The following ELAVL2 variants were observed in gnomAD, a reference collection of about 807,000 sequenced individuals.
The protein encoded by ELAVL2 is ELAV-like protein 2.
A neutral mutation model predicts 34.6 loss-of-function variants in ELAVL2; 4 were observed. The observed-to-expected ratio is 0.12, with a 90% CI of 0.06 to 0.26. ELAVL2 has a LOEUF of 0.26. Ranked by LOEUF, ELAVL2 falls within the 10% of genes least tolerant of loss-of-function variation. The pLI is 1.00. For missense variants in ELAVL2, 432 were observed against 442.8 expected, an observed-to-expected ratio of 0.98 and a Z score of 0.22; for synonymous variants, 193 against 154.8, an observed-to-expected ratio of 1.25 and a Z score of -1.83.
rs113658754 is a variant in ELAVL2, at chr9:23,778,343, G to A, written c.-15-16094C>T. On this transcript the variant is annotated intron_variant, in intron 1 of 6. Transcript: ENST00000397312. ...TAGATTTAGCCTGAAAACATGTTACGTGGTTTCTCCAACGTCCTTAAAAAC... is the reference window on the plus strand; with the variant it reads ...TAGATTTAGCCTGAAAACATGTTACATGGTTTCTCCAACGTCCTTAAAAAC... 5.3e-5 allele frequency among the ~76,000 whole-genome samples: 8 copies of A among 152,294 alleles called. No individual in the cohort carries two copies. The South Asian group carries it at 8.3e-4, about 16-fold the overall frequency.
At chr9:23,807,903 T>C (rs2137940970) in intron 1 of ELAVL2, among the ~76,000 whole-genome samples, 1 of 152,326 alleles carries the variant, frequency 6.6e-6, no homozygotes, top group East Asian at 1.9e-4. Context: ...CAGATCTCAC[T>C]GCTGGGCTTT....
the ELAVL2 span, among the ~76,000 whole-genome samples, chr9:23,849,303 A>C: frequency 1.3e-5 from 2 of 152,212 alleles, no homozygotes; most frequent in Non-Finnish European, 2.9e-5. Context: ...AGGGTTAATA[A>C]GCAATTCCTT....
chr9:23,776,686 C>T lies in ELAVL2; in HGVS notation c.-15-14437G>A, dbSNP rs181693028. On this transcript the variant is annotated intron_variant, in intron 1 of 6. Coordinates refer to ENST00000397312, the MANE Select transcript of ELAVL2 (RefSeq NM_004432.5). ...GCACACAAGGAAACCTTTAAGAACC[C>T]GCAGCCAGAAATAATCCCTTCTCTA... Among the ~76,000 whole-genome samples the T allele has an allele frequency of 8.2e-4, 123 of 149,714 alleles. 2 individuals carry two copies. The East Asian group carries it at 0.019, about 23-fold the overall frequency.
intron 1 of ELAVL2, among the ~76,000 whole-genome samples, chr9:23,792,750 T>C (rs1414200159): frequency 1.3e-5 from 2 of 152,120 alleles, no homozygotes; most frequent in Non-Finnish European, 2.9e-5. Context: ...TGCATTATTT[T>C]ATTTACTTCC....
At chr9:23,834,324 A>G in the ELAVL2 span, among the ~76,000 whole-genome samples, 1 of 152,006 alleles carries the variant, frequency 6.6e-6, no homozygotes, top group African/African-American at 2.4e-5. Context: ...AAGGGATATT[A>G]TCCTTCTAGG....
intron 1 of ELAVL2, among the ~76,000 whole-genome samples, chr9:23,804,037 C>A (rs2061899911): frequency 6.6e-6 from 1 of 152,064 alleles, no homozygotes; most frequent in Non-Finnish European, 1.5e-5. Flanking sequence ...TTAAAATGCT[C>A]TGAAAAGCCC....
intron 2 of ELAVL2, among the ~76,000 whole-genome samples, chr9:23,737,954 A>T (rs901409843): frequency 1.3e-5 from 2 of 152,178 alleles, no homozygotes; most frequent in African/African-American, 2.4e-5. Context: ...TTGCAAAAAC[A>T]AGTTTTCGTT....
chr9:23,693,725 T>C (rs2034070655), intron 5 of ELAVL2, among the ~76,000 whole-genome samples: 1 of 152,214 alleles, frequency 6.6e-6, no homozygotes, highest in African/African-American at 2.4e-5. Context: ...GTGACGGTCA[T>C]CTGAGGATAC....
At chr9:23,716,895 C>A (rs1051722068) in intron 3 of ELAVL2, among the ~76,000 whole-genome samples, 8 of 152,150 alleles carry the variant, frequency 5.3e-5, no homozygotes, top group South Asian at 2.1e-4. Flanking sequence ...ACTGACAACA[C>A]TAGAACAGTG....
At chr9:23,802,759 T>C (rs923939249) in intron 1 of ELAVL2, among the ~76,000 whole-genome samples, 18 of 152,354 alleles carry the variant, frequency 1.2e-4, no homozygotes, top group Admixed American at 3.3e-4. Context: ...TTCAGTCTGT[T>C]GCAATGAGAA....
intron 2 of ELAVL2, 116 bp from the exon 3 acceptor site, chr9:23,731,241 A>G (rs2046453200): frequency 4.1e-6 from 3 of 725,890 alleles, no homozygotes; most frequent in East Asian, 2.9e-5. Context: ...TCAACAGTAA[A>G]AAGAACTCTC....
chr9:23,736,630 C>T (rs762147931), intron 2 of ELAVL2, among the ~76,000 whole-genome samples: 5 of 152,144 alleles, frequency 3.3e-5, no homozygotes, highest in African/African-American at 4.8e-5. Context: ...CTGCCACACC[C>T]GCATCACGTT....
At chr9:23,781,754 G>A (rs1045275448) in intron 1 of ELAVL2, among the ~76,000 whole-genome samples, 1 of 151,694 alleles carries the variant, frequency 6.6e-6, no homozygotes, top group Non-Finnish European at 1.5e-5. Context: ...GTGCAGTGGC[G>A]GGATTCTCTG....
intron 1 of ELAVL2, chr9:23,764,973 A>C: frequency 6.2e-7 from 1 of 1,600,108 alleles, no homozygotes; most frequent in Non-Finnish European, 8.5e-7. Context: ...TGCTAAAAAA[A>C]AGTAGCCTAC....
At chr9:23,830,625 C>CACACACACACACACACACACACA (rs1554774159), upstream of ELAVL2, among the ~76,000 whole-genome samples, 6 of 141,998 alleles carry the variant, frequency 4.2e-5, no homozygotes, top group African/African-American at 5.2e-5. Context: ...CACACACACA[C>CACACACACACACACACACACACA]CTTTTTTTTT....
chr9:23,784,503 T>C (rs2059450266), intron 1 of ELAVL2, among the ~76,000 whole-genome samples: 2 of 152,254 alleles, frequency 1.3e-5, no homozygotes, highest in South Asian at 4.1e-4. Flanking sequence ...TAGGTAGTGT[T>C]GGGGGCAGTG....
chr9:23,752,293 A>G (rs937594722), intron 2 of ELAVL2, among the ~76,000 whole-genome samples: 1 of 152,114 alleles, frequency 6.6e-6, no homozygotes. Flanking sequence ...CCCAAGTGTA[A>G]CAATGTTCTA....
chr9:23,734,235 T>C (rs528132235), intron 2 of ELAVL2, among the ~76,000 whole-genome samples: 25 of 152,302 alleles, frequency 1.6e-4, no homozygotes, highest in African/African-American at 5.3e-4. Context: ...CAAATATTTA[T>C]TGGATGTTTA....
In ELAVL2 at chr9:23,746,677, C is replaced by G. The variant is rs147822606; in HGVS notation, c.229+15329G>C. Among the ~76,000 whole-genome samples, 1,311 of 152,158 alleles carry G rather than the reference C, an allele frequency of 8.6e-3. 14 individuals carry two copies. The highest frequency in any genetic ancestry group is 0.057 in the East Asian group (295 of 5,154). ...GAGAGAGGACCCACCCAACTGGCTTCTGGAATTAGCTTTTTCCCATCAGCA... is the reference window on the plus strand; with the variant it reads ...GAGAGAGGACCCACCCAACTGGCTTGTGGAATTAGCTTTTTCCCATCAGCA... On this transcript the variant is annotated intron_variant, in intron 2 of 6. Coordinates refer to ENST00000397312, the MANE Select transcript of ELAVL2 (RefSeq NM_004432.5).
Sources: allele counts gnomAD v4.1 joint callset (sites outside exome capture counted in the v4.1 genomes callset), GRCh38; gene constraint gnomAD v4.1.1; transcripts MANE v1.5; gene names NCBI Gene and HGNC (gene_info 2026-07-23, HGNC 2026-07-21).